SMYD3: variants seen among roughly 807,000 people sequenced by gnomAD.
SMYD3 encodes SET and MYND domain containing 3, also known as histone-lysine N-methyltransferase SMYD3.
In SMYD3, 36 loss-of-function variants were observed where a neutral mutation model predicts 57.7. The ratio of observed to expected loss-of-function variants is 0.62; its 90% CI spans 0.48 to 0.82. SMYD3 has a LOEUF of 0.82. SMYD3 is among the 40% of genes least tolerant of loss of function. The pLI, the probability that SMYD3 is intolerant of heterozygous loss-of-function variation, is 0.00. For synonymous variants in SMYD3, 211 were observed against 195.0 expected (o/e 1.08, Z -0.68); for missense variants, 515 against 538.8 (o/e 0.96, Z 0.44).
chr1:245,763,940 G>T, intron 11 of SMYD3, 101 bp downstream of exon 11: 2 of 862,986 alleles, frequency 2.3e-6, no homozygotes, highest in Non-Finnish European at 3.9e-6. Flanking sequence ...GTGTGTATGC[G>T]TGCACACATA....
chr1:246,427,313 G>A (rs1052578472), intron 1 of SMYD3, among the ~76,000 whole-genome samples: 7 of 151,902 alleles, frequency 4.6e-5, no homozygotes, highest in Admixed American at 1.3e-4. Context: ...GAGGTCAGGA[G>A]ATCGAGACCA....
chr1:246,398,420 T>C (rs1229551342), intron 1 of SMYD3, among the ~76,000 whole-genome samples: 1 of 152,262 alleles, frequency 6.6e-6, no homozygotes, highest in East Asian at 1.9e-4. Context: ...GCTGGACTTC[T>C]CTGTCATAAT....
At chr1:245,816,702 G>A (rs1034387479) in intron 10 of SMYD3, among the ~76,000 whole-genome samples, 7 of 152,096 alleles carry the variant, frequency 4.6e-5, no homozygotes, top group Admixed American at 1.3e-4. Flanking sequence ...CACCGTGCGC[G>A]AGCCGAAGCA....
intron 5 of SMYD3, among the ~76,000 whole-genome samples, chr1:246,119,004 C>T (rs1310515055): frequency 1.4e-5 from 2 of 146,298 alleles, no homozygotes. Context: ...CTCTAGACGT[C>T]ATTTATTTTT....
chr1:245,790,281 G>A (rs2047215124), intron 10 of SMYD3, among the ~76,000 whole-genome samples: 1 of 152,182 alleles, frequency 6.6e-6, no homozygotes, highest in Admixed American at 6.5e-5. Context: ...ACGAACTGAT[G>A]GAAAGTCAAG....
At chr1:246,269,468 T>C in intron 5 of SMYD3, among the ~76,000 whole-genome samples, 1 of 152,150 alleles carries the variant, frequency 6.6e-6, no homozygotes, top group East Asian at 1.9e-4. Context: ...TTTCATACTC[T>C]TCCCCCATAT....
intron 10 of SMYD3, among the ~76,000 whole-genome samples, chr1:245,856,021 C>A (rs540966147): frequency 6.6e-6 from 1 of 152,208 alleles, no homozygotes; most frequent in South Asian, 2.1e-4. Flanking sequence ...TGCAGGGAGC[C>A]GATGCGGGGG....
intron 5 of SMYD3, among the ~76,000 whole-genome samples, chr1:246,079,711 T>C (rs1235658531): frequency 1.3e-5 from 2 of 152,154 alleles, no homozygotes; most frequent in Non-Finnish European, 2.9e-5. Context: ...TTGCAAACTG[T>C]GGTCTCCAAT....
At chr1:245,842,173 C>A (rs9727921) in intron 10 of SMYD3, among the ~76,000 whole-genome samples, 63,207 of 151,968 alleles carry the variant, frequency 0.42, 14,668 homozygotes, top group East Asian at 0.86. Context: ...CGCATTTCTC[C>A]GAACGTATCC....
At chr1:245,812,181 TC>T (rs1253929112) in intron 10 of SMYD3, among the ~76,000 whole-genome samples, 20 of 152,178 alleles carry the variant, frequency 1.3e-4, no homozygotes, top group African/African-American at 4.6e-4. Flanking sequence ...CCTTTTTCTC[TC>T]CCAGAAAACC....
chr1:246,481,509 A>C (rs2103059581), intron 1 of SMYD3, among the ~76,000 whole-genome samples: 1 of 147,588 alleles, frequency 6.8e-6, no homozygotes, highest in South Asian at 2.2e-4. Context: ...CTAAACCATC[A>C]ATCCTCCTGG....
chr1:246,288,810 T>C (rs1233202514), intron 5 of SMYD3, among the ~76,000 whole-genome samples: 1 of 152,104 alleles, frequency 6.6e-6, no homozygotes, highest in African/African-American at 2.4e-5. Flanking sequence ...TGTAGTTCAA[T>C]TATAAAATAT....
chr1:245,847,132 T>C (rs891275609), intron 10 of SMYD3, among the ~76,000 whole-genome samples: 3 of 152,226 alleles, frequency 2.0e-5, no homozygotes, highest in African/African-American at 7.2e-5. Context: ...AGTACACATT[T>C]TTCCATTCTA....
chr1:245,860,856 C>T (rs2051505543), intron 9 of SMYD3, among the ~76,000 whole-genome samples: 1 of 152,234 alleles, frequency 6.6e-6, no homozygotes, highest in African/African-American at 2.4e-5. Flanking sequence ...GTCTCTTACA[C>T]ATTGCTAGAC....
chr1:245,786,852 C>T (rs1211140291), intron 10 of SMYD3, among the ~76,000 whole-genome samples: 1 of 152,134 alleles, frequency 6.6e-6, no homozygotes, highest in Non-Finnish European at 1.5e-5. Flanking sequence ...TTTAAGACAC[C>T]ATTTGTGGAA....
intron 1 of SMYD3, among the ~76,000 whole-genome samples, chr1:246,503,745 C>G: frequency 6.6e-6 from 1 of 152,060 alleles, no homozygotes. Context: ...GGTAGATCAC[C>G]TGAGGTCAGG....
intron 10 of SMYD3, among the ~76,000 whole-genome samples, chr1:245,783,614 C>T (rs2046922602): frequency 6.6e-6 from 1 of 152,014 alleles, no homozygotes; most frequent in Admixed American, 6.5e-5. Context: ...CCCCTATTTA[C>T]AGGTAACATG....
At chr1:246,182,030 C>T (rs368972959) in intron 5 of SMYD3, among the ~76,000 whole-genome samples, 3 of 152,086 alleles carry the variant, frequency 2.0e-5, no homozygotes, top group Non-Finnish European at 2.9e-5. Context: ...CTATTTTAAC[C>T]TACTTATATA....
intron 5 of SMYD3, chr1:246,096,110 T>C (rs751020148): frequency 6.6e-6 from 1 of 152,148 alleles, no homozygotes; most frequent in African/African-American, 2.4e-5. Context: ...AAAACCGATA[T>C]ATATCAAACA....
Sources: allele counts gnomAD v4.1 joint callset (sites outside exome capture counted in the v4.1 genomes callset), GRCh38; gene constraint gnomAD v4.1.1; transcripts MANE v1.5; gene names NCBI Gene and HGNC (gene_info 2026-07-23, HGNC 2026-07-21).